Variants in SPIN4 observed in about 807,000 individuals in gnomAD.
SPIN4 encodes the protein spindlin-4.
A neutral mutation model predicts 10.4 loss-of-function variants in SPIN4; 4 were observed. The ratio of observed to expected loss-of-function variants is 0.38; its 90% confidence interval spans 0.19 to 0.88. The LOEUF (loss-of-function observed/expected upper bound fraction) is 0.88. Among genes scored for constraint, SPIN4 ranks in the 40% least tolerant of loss-of-function variants. The pLI is 0.40. For missense variants in SPIN4, 126 were observed against 198.7 expected, an observed-to-expected ratio of 0.63 and a Z score of 2.20; for synonymous variants, 71 against 78.4, an observed-to-expected ratio of 0.91 and a Z score of 0.50.
chrX:63,350,482 C>A lies in SPIN4; in HGVS notation c.338G>T (p.Arg113Leu), dbSNP rs1932983574. ...ERVPTPRIDSRLADSLIGKAV... is the reference protein window; with the variant it reads ...ERVPTPRIDSLLADSLIGKAV... ...CTTGCCAATCAGGGAATCTGCCAGT[C>A]GTGAATCGATACGAGGAGTTGGCAC... The change falls in exon 1 of 1, where the codon CGA (arginine) becomes CTA (leucine). Residue 113 changes from arginine to leucine, a missense_variant. Transcript: ENST00000374884. 1.7e-6 allele frequency: 2 copies of A among 1,209,889 alleles called. No homozygotes were observed. Among genetic ancestry groups the A allele is most frequent in the Admixed American group, 2.2e-5 (1 of 45,742 alleles).
In SPIN4 at chrX:63,348,943, C is replaced by T. The variant is rs781969931; in HGVS notation, c.*1127G>A. On this transcript the variant is annotated 3_prime_UTR_variant, in exon 1 of 1. Coordinates refer to ENST00000374884, the MANE Select transcript of SPIN4 (RefSeq NM_001012968.3). ...CAAAATCTATAAAAGAGATAAGGGT[C>T]TACCTAAAAAGTTTAAAAATTTTAA... The T allele has an allele frequency of 8.1e-5, 9 of 111,800 alleles. No individual in the cohort carries two copies. Among genetic ancestry groups the T allele is most frequent in the African/African-American group, 2.3e-4 (7 of 30,868 alleles). 9.2% of individuals were successfully genotyped at this position (111,800 alleles called of 1,213,427 possible).
chrX:63,350,784 A>G lies in SPIN4; in HGVS notation c.36T>C (p.Asp12=), dbSNP rs1932987544. Residue 12 remains aspartate (D), a synonymous_variant, in exon 1 of 1, where the codon GAT becomes GAC. Transcript: ENST00000374884. ...SPPTVPPMGV[D]GVSAYLMKKR... ...TCTTCATCAGGTATGCGGACACGCCATCTACCCCCATCGGAGGCACGGTTG... is the reference window on the plus strand; with the variant it reads ...TCTTCATCAGGTATGCGGACACGCCGTCTACCCCCATCGGAGGCACGGTTG... The G allele has an allele frequency of 8.3e-7, 1 of 1,201,200 alleles. No individual in the cohort carries two copies. Among genetic ancestry groups the G allele is most frequent in the Non-Finnish European group, 1.1e-6 (1 of 889,069 alleles).
chrX:63,349,997 C>T lies in SPIN4; in HGVS notation c.*73G>A, dbSNP rs781890822. On this transcript the variant is annotated 3_prime_UTR_variant, in exon 1 of 1. Transcript: ENST00000374884. ...TTTCTGACACCTAAACTCTTCTCTG[C>T]GTTCACAACTACGAGAACACAAAAT... The T allele has an allele frequency of 4.8e-6, 5 of 1,034,969 alleles. No homozygotes were observed. Among genetic ancestry groups the T allele is most frequent in the East Asian group, 3.1e-5 (1 of 32,471 alleles). 85.3% of individuals were successfully genotyped at this position (1,034,969 alleles called of 1,213,427 possible).
Position 63,350,366 on chromosome X carries a change from ACCAAGTAT to A in SPIN4, c.446_453del (p.Asp149ValfsTer18). On this transcript the variant is annotated frameshift_variant, in exon 1 of 1. Transcript: ENST00000374884. LOFTEE classifies it high-confidence loss of function. Reference sequence around the variant, plus strand: ...GGATCTTTCTCGTAGGTGATGTAAAACCAAGTATCCATCACAGGAGCTCGCGCCAGGAC... The same window carrying A: ...GGATCTTTCTCGTAGGTGATGTAAAACCATCACAGGAGCTCGCGCCAGGAC... 8.3e-7 allele frequency: 1 copy of A among 1,211,410 alleles called. No individual in the cohort carries two copies. The highest frequency in any genetic ancestry group is 1.1e-6 in the Non-Finnish European group (1 of 895,401).
Position 63,350,752 on chromosome X carries a change from T to A in SPIN4, c.68A>T (p.His23Leu). The change falls in exon 1 of 1, where the codon CAC (histidine) becomes CTC (leucine). Residue 23 changes from histidine (H) to leucine (L), a missense_variant. Transcript: ENST00000374884. ...GVSAYLMKKR[H>L]THRKQRRKPT... is the part of the protein sequence containing the mutation. ...CTTGCGCCGTTGCTTCCTGTGGGTGTGCCTTTTCTTCATCAGGTATGCGGA... is the reference window on the plus strand; with the variant it reads ...CTTGCGCCGTTGCTTCCTGTGGGTGAGCCTTTTCTTCATCAGGTATGCGGA... 1 of 1,210,690 alleles carries A rather than the reference T, an allele frequency of 8.3e-7. No homozygotes were observed. The highest frequency in any genetic ancestry group is 1.1e-6 in the Non-Finnish European group (1 of 894,777).
At position 63,350,891 on chromosome X, in the gene SPIN4, T is replaced by C. The variant is rs1417677075; in HGVS notation, c.-72A>G. ...TTAAACTGACAAAAAGTCAACACTA[T>C]GCAATATGATATATATATTTTTTGC... On this transcript the variant is annotated 5_prime_UTR_variant, in exon 1 of 1. Transcript: ENST00000374884. 1.8e-6 allele frequency: 2 copies of C among 1,106,694 alleles called. No individual in the cohort carries two copies. Among genetic ancestry groups the C allele is most frequent in the African/African-American group, 3.7e-5 (2 of 53,953 alleles). The allele number at this position is 1,106,694 out of a possible 1,213,427, so 91.2% of individuals were successfully genotyped here.
rs1932994082 is a variant in SPIN4 at position 63,351,255 on chromosome X, A to AGAGT, written c.-437_-436insACTC. On this transcript the variant is annotated 5_prime_UTR_variant, in exon 1 of 1. Coordinates refer to ENST00000374884, the MANE Select transcript of SPIN4 (RefSeq NM_001012968.3). ...AGTAAGAGGGATGGCTGCAGCGGCA[A>AGAGT]AGGCGCAGGCGGCGGCAAGTCTCTG... is the stretch of plus-strand genomic sequence containing the variant. The AGAGT allele has an allele frequency of 7.7e-6, 1 of 129,773 alleles. No individual in the cohort carries two copies. The highest frequency in any genetic ancestry group is 3.3e-4 in the South Asian group (1 of 3,045). 10.7% of individuals were successfully genotyped at this position (129,773 alleles called of 1,213,427 possible).
rs1285295655 is a variant in SPIN4 at position 63,347,767 on chromosome X, T to C, written c.*2303A>G. On this transcript the variant is annotated 3_prime_UTR_variant, in exon 1 of 1. Transcript: ENST00000374884. ...TTTCACAATGACCAAGTAGTATTTG[T>C]TCCAGAAATACAAGTTTGGTTCCAC... The C allele has an allele frequency of 8.9e-6, 1 of 111,770 alleles. No homozygotes were observed. The highest frequency in any genetic ancestry group is 9.5e-5 in the Admixed American group (1 of 10,553). The allele number at this position is 111,770 out of a possible 1,213,427, so 9.2% of individuals were successfully genotyped here. A position where few individuals can be genotyped will look rare whatever the true frequency, so the allele number is the denominator to read the frequency against.
Position 63,350,025 on chromosome X carries a change from T to C in SPIN4, c.*45A>G. On this transcript the variant is annotated 3_prime_UTR_variant, in exon 1 of 1. Transcript: ENST00000374884. ...TCACAACTACGAGAACACAAAATAA[T>C]TCACATCTAACAGATCCACAACTTC... 8.8e-7 allele frequency: 1 copy of C among 1,140,826 alleles called. No homozygotes were observed. Among genetic ancestry groups the C allele is most frequent in the East Asian group, 3.0e-5 (1 of 33,165 alleles). 94.0% of individuals were successfully genotyped at this position (1,140,826 alleles called of 1,213,427 possible). A position where few individuals can be genotyped will look rare whatever the true frequency, so the allele number is the denominator to read the frequency against.
Position 63,347,895 on chromosome X carries a change from G to C in SPIN4, c.*2175C>G, listed in dbSNP as rs782007812. On this transcript the variant is annotated 3_prime_UTR_variant, in exon 1 of 1. Coordinates refer to ENST00000374884, the MANE Select transcript of SPIN4 (RefSeq NM_001012968.3). ...CTGAAAAGGCATTTTATAAAATTCA[G>C]GAACCACTTCTAGCAATAACACTAT... 9.0e-6 allele frequency: 1 copy of C among 111,092 alleles called. No homozygotes were observed. Among genetic ancestry groups the C allele is most frequent in the Admixed American group, 9.5e-5 (1 of 10,480 alleles). The allele number at this position is 111,092 out of a possible 1,213,427, so 9.2% of individuals were successfully genotyped here.
At position 63,348,072 on chromosome X, in the gene SPIN4, T is replaced by C. The variant is rs1932954391; in HGVS notation, c.*1998A>G. 9.0e-6 allele frequency: 1 copy of C among 111,437 alleles called. No homozygotes were observed. Among genetic ancestry groups the C allele is most frequent in the African/African-American group, 3.3e-5 (1 of 30,738 alleles). 9.2% of individuals were successfully genotyped at this position (111,437 alleles called of 1,213,427 possible). Reference sequence around the variant, plus strand: ...AAGAACAAGACAGTCACGTCTGTCATCACTCTTCAACATTGTTTTGAAAAA... The same window carrying C: ...AAGAACAAGACAGTCACGTCTGTCACCACTCTTCAACATTGTTTTGAAAAA... On this transcript the variant is annotated 3_prime_UTR_variant, in exon 1 of 1. Coordinates refer to ENST00000374884, the MANE Select transcript of SPIN4 (RefSeq NM_001012968.3).
At position 63,348,624 on chromosome X, in the gene SPIN4, T is replaced by G. The variant is rs1602058352; in HGVS notation, c.*1446A>C. 2 of 110,226 alleles carry G rather than the reference T, an allele frequency of 1.8e-5. No individual in the cohort carries two copies. The highest frequency in any genetic ancestry group is 6.6e-5 in the African/African-American group (2 of 30,525). 9.1% of individuals were successfully genotyped at this position (110,226 alleles called of 1,213,427 possible). ...ATTATATAAAGAAAAAAAAAACTAA[T>G]GAAGTGGGACTTGCTTTATCGGATT... On this transcript the variant is annotated 3_prime_UTR_variant, in exon 1 of 1. Transcript: ENST00000374884.
chrX:63,350,932 G>A lies in SPIN4; in HGVS notation c.-113C>T, dbSNP rs1556016640. 1.1e-6 allele frequency: 1 copy of A among 949,303 alleles called. No homozygotes were observed. Among genetic ancestry groups the A allele is most frequent in the Non-Finnish European group, 1.4e-6 (1 of 705,832 alleles). The allele number at this position is 949,303 out of a possible 1,213,427, so 78.2% of individuals were successfully genotyped here. A position where few individuals can be genotyped will look rare whatever the true frequency, so the allele number is the denominator to read the frequency against. Reference sequence around the variant, plus strand: ...TATTTTTTGCGATCTCAAAGACCTGGTCTGTGCTCCCTTCTCCAAGTGCAA... The same window carrying A: ...TATTTTTTGCGATCTCAAAGACCTGATCTGTGCTCCCTTCTCCAAGTGCAA... On this transcript the variant is annotated 5_prime_UTR_variant, in exon 1 of 1. Coordinates refer to ENST00000374884, the MANE Select transcript of SPIN4 (RefSeq NM_001012968.3).
rs1348395349 is a variant in SPIN4, at chrX:63,351,128, C to G, written c.-309G>C. 4.1e-6 allele frequency: 1 copy of G among 244,717 alleles called. No homozygotes were observed. Among genetic ancestry groups the G allele is most frequent in the Non-Finnish European group, 7.7e-6 (1 of 130,427 alleles). The allele number at this position is 244,717 out of a possible 1,213,427, so 20.2% of individuals were successfully genotyped here. ...GTGCTGTTCGTGCCTTGCGTCCGCCCCAACCCCGACCCCAAGTCCCCGAAT... is the reference window on the plus strand; with the variant it reads ...GTGCTGTTCGTGCCTTGCGTCCGCCGCAACCCCGACCCCAAGTCCCCGAAT... On this transcript the variant is annotated 5_prime_UTR_variant, in exon 1 of 1. Transcript: ENST00000374884.
In SPIN4 at chrX:63,349,444, T is replaced by A. The variant is rs1556016398; in HGVS notation, c.*626A>T. 1 of 111,407 alleles carries A rather than the reference T, an allele frequency of 9.0e-6. No homozygotes were observed. The highest frequency in any genetic ancestry group is 1.9e-5 in the Non-Finnish European group (1 of 53,026). The allele number at this position is 111,407 out of a possible 1,213,427, so 9.2% of individuals were successfully genotyped here. On this transcript the variant is annotated 3_prime_UTR_variant, in exon 1 of 1. Coordinates refer to ENST00000374884, the MANE Select transcript of SPIN4 (RefSeq NM_001012968.3). ...GACGATCAATAACGAAATGGTTGAATGCCTTTTTGGTACATCAACAAGTAC... is the reference window on the plus strand; with the variant it reads ...GACGATCAATAACGAAATGGTTGAAAGCCTTTTTGGTACATCAACAAGTAC...
rs1556016209 is a variant in SPIN4, at chrX:63,347,639, G to A, written c.*2431C>T. On this transcript the variant is annotated 3_prime_UTR_variant, in exon 1 of 1. Transcript: ENST00000374884. ...AACTTCAATAACAAAACTTGATAAA[G>A]ATAGCATCAGAAGGACAAAATACAA... The A allele has an allele frequency of 9.0e-6, 1 of 111,286 alleles. No homozygotes were observed. Among genetic ancestry groups the A allele is most frequent in the Non-Finnish European group, 1.9e-5 (1 of 52,932 alleles). 9.2% of individuals were successfully genotyped at this position (111,286 alleles called of 1,213,427 possible). A position where few individuals can be genotyped will look rare whatever the true frequency, so the allele number is the denominator to read the frequency against.
At position 63,350,640 on chromosome X, in the gene SPIN4, C is replaced by T. The variant is rs1932986083; in HGVS notation, c.180G>A (p.Lys60=). 3 of 1,211,258 alleles carry T rather than the reference C, an allele frequency of 2.5e-6. No individual in the cohort carries two copies. Among genetic ancestry groups the T allele is most frequent in the Non-Finnish European group, 2.2e-6 (2 of 895,155 alleles). Residue 60 remains lysine (K), a synonymous_variant, in exon 1 of 1, where the codon AAG becomes AAA. Transcript: ENST00000374884. ...CGGAAACCTGCTCGAGCACAGTACC[C>T]TTCCACTGCTCCACTGGCTCGTTGC... ...KEGNEPVEQW[K]GTVLEQVSVK... is the part of the protein sequence containing the mutation.
Position 63,350,845 on chromosome X carries a change from G to A in SPIN4, c.-26C>T. 1 of 1,177,903 alleles carries A rather than the reference G, an allele frequency of 8.5e-7. No homozygotes were observed. Reference sequence around the variant, plus strand: ...AGCTCAGGGATTAAGAGGGCTTGGGGAAAGCTGCTGCCCTGGTCGATTAAA... The same window carrying A: ...AGCTCAGGGATTAAGAGGGCTTGGGAAAAGCTGCTGCCCTGGTCGATTAAA... On this transcript the variant is annotated 5_prime_UTR_variant, in exon 1 of 1. Coordinates refer to ENST00000374884, the MANE Select transcript of SPIN4 (RefSeq NM_001012968.3).
Position 63,349,455 on chromosome X carries a change from T to C in SPIN4, c.*615A>G, listed in dbSNP as rs1205676695. 9.0e-6 allele frequency: 1 copy of C among 111,504 alleles called. No individual in the cohort carries two copies. Among genetic ancestry groups the C allele is most frequent in the African/African-American group, 3.3e-5 (1 of 30,609 alleles). The allele number at this position is 111,504 out of a possible 1,213,427, so 9.2% of individuals were successfully genotyped here. On this transcript the variant is annotated 3_prime_UTR_variant, in exon 1 of 1. Coordinates refer to ENST00000374884, the MANE Select transcript of SPIN4 (RefSeq NM_001012968.3). ...ACGAAATGGTTGAATGCCTTTTTGG[T>C]ACATCAACAAGTACTGTGTATTCAG...
Sources: gnomAD v4.1 joint callset for allele counts on GRCh38, gnomAD v4.1.1 for gene constraint, MANE v1.5 for transcripts, NCBI Gene and HGNC (gene_info 2026-07-23, HGNC 2026-07-21) for gene names.